Variants in NAV3 observed in about 807,000 individuals in gnomAD.
NAV3 encodes the protein neuron navigator 3.
A neutral mutation model predicts 244.7 loss-of-function variants in NAV3; 87 were observed. The ratio of observed to expected loss-of-function variants is 0.36; its 90% CI spans 0.30 to 0.42. The LOEUF is 0.42. Ranked by LOEUF, NAV3 falls within the 20% of genes least tolerant of loss-of-function variation. The probability of loss-of-function intolerance (pLI) is 1.00; values close to 1 mark genes in which losing one functional copy is unlikely to be tolerated. For synonymous variants in NAV3, 1,126 were observed against 1,042.2 expected, an observed-to-expected ratio of 1.08 and a Z score of -1.55; for missense variants, 2,663 against 2,893.3, an observed-to-expected ratio of 0.92 and a Z score of 1.83.
intron 12 of NAV3, among the ~76,000 whole-genome samples, chr12:78,081,202 G>A (rs1050708051): frequency 6.6e-6 from 1 of 152,038 alleles, no homozygotes; most frequent in African/African-American, 2.4e-5. Context: ...GTGATAATAC[G>A]TTAAGAGAGA....
intron 3 of NAV3, among the ~76,000 whole-genome samples, chr12:77,942,226 G>A (rs973474177): frequency 3.9e-5 from 6 of 152,066 alleles, no homozygotes; most frequent in Non-Finnish European, 7.4e-5. Context: ...TACAAAATTA[G>A]CCAGGTGTGG....
intron 2 of NAV3, among the ~76,000 whole-genome samples, chr12:77,651,629 A>G (rs1565753871): frequency 6.6e-6 from 1 of 152,198 alleles, no homozygotes; most frequent in African/African-American, 2.4e-5. Flanking sequence ...TGATCTTTCC[A>G]TATTTTAAGG....
intron 2 of NAV3, among the ~76,000 whole-genome samples, chr12:77,666,439 G>A (rs141770335): frequency 2.7e-3 from 412 of 151,926 alleles, no homozygotes; most frequent in Middle Eastern, 0.01. Flanking sequence ...GAAGAGAGAC[G>A]CTATTTAATC....
intron 2 of NAV3, among the ~76,000 whole-genome samples, chr12:77,750,166 A>T (rs959744993): frequency 6.6e-6 from 1 of 152,178 alleles, no homozygotes; most frequent in East Asian, 1.9e-4. Flanking sequence ...ATCCTGGCTA[A>T]TATGGTGAAA....
At chr12:77,961,445 A>G (rs1488564250) in intron 3 of NAV3, among the ~76,000 whole-genome samples, 1 of 125,564 alleles carries the variant, frequency 8.0e-6, no homozygotes, top group Non-Finnish European at 1.6e-5. Context: ...TGTCTCATAC[A>G]TGTAATATAT....
intron 2 of NAV3, among the ~76,000 whole-genome samples, chr12:77,665,366 C>T (rs1429647020): frequency 1.3e-5 from 2 of 152,178 alleles, no homozygotes; most frequent in Non-Finnish European, 2.9e-5. Flanking sequence ...GCCAGCATCA[C>T]AGAATTCTTA....
chr12:78,211,875 T>C lies in NAV3; in HGVS notation c.*1358T>C, dbSNP rs1471661041. ...TTTATACTGTAAAAGAAGGTTAGAT[T>C]TGCACAGTCTACTGGGTAGGTATTG... On this transcript the variant is annotated 3_prime_UTR_variant, in exon 40 of 40. Coordinates refer to ENST00000397909, the MANE Select transcript of NAV3 (RefSeq NM_001024383.2). 6.6e-6 allele frequency: 1 copy of C among 152,560 alleles called. No individual in the cohort carries two copies. The highest frequency in any genetic ancestry group is 1.5e-5 in the Non-Finnish European group (1 of 68,018). The allele number at this position is 152,560 out of a possible 1,614,324, so 9.5% of individuals were successfully genotyped here. A position where few individuals can be genotyped will look rare whatever the true frequency, so the allele number is the denominator to read the frequency against.
chr12:77,815,559 A>G (rs1037182455), intron 2 of NAV3, among the ~76,000 whole-genome samples: 38 of 152,208 alleles, frequency 2.5e-4, no homozygotes, highest in Non-Finnish European at 7.3e-5. Context: ...ATAGCTCCTG[A>G]TGAATGCATT....
At chr12:77,846,218 A>G (rs781539211) in intron 1 of NAV3, among the ~76,000 whole-genome samples, 6 of 152,194 alleles carry the variant, frequency 3.9e-5, no homozygotes, top group Non-Finnish European at 7.3e-5. Flanking sequence ...ATCTATTAAT[A>G]GAGATTCAGA....
At chr12:77,930,331 G>A (rs934956202) in intron 1 of NAV3, among the ~76,000 whole-genome samples, 21 of 151,902 alleles carry the variant, frequency 1.4e-4, no homozygotes, top group African/African-American at 5.1e-4. Flanking sequence ...ACTAGCCTAG[G>A]ATTAAAGTCT....
chr12:77,867,418 T>G (rs1880222170), intron 1 of NAV3, among the ~76,000 whole-genome samples: 1 of 152,038 alleles, frequency 6.6e-6, no homozygotes, highest in African/African-American at 2.4e-5. Context: ...TTGTTGTTGT[T>G]GTTGTTGTTG....
rs2138853870 is a variant in NAV3 at position 78,128,806 on chromosome 12, C to T, written c.4381C>T (p.Leu1461=). 2 of 1,614,122 alleles carry T rather than the reference C, an allele frequency of 1.2e-6. No homozygotes were observed. Among genetic ancestry groups the T allele is most frequent in the Non-Finnish European group, 1.7e-6 (2 of 1,179,990 alleles). Residue 1461 remains leucine, a synonymous_variant, in exon 18 of 40, where the codon CTG becomes TTG. Coordinates refer to ENST00000397909, the MANE Select transcript of NAV3 (RefSeq NM_001024383.2). ...TCAGGACACTGGCAACCAGTCACCT[C>T]TGGTTTCCCCTTCTGCCATGTCATC... ...GLQDTGNQSP[L]VSPSAMSSSA...
At chr12:78,191,648 A>T (rs1958987537) in intron 34 of NAV3, among the ~76,000 whole-genome samples, 1 of 152,188 alleles carries the variant, frequency 6.6e-6, no homozygotes, top group Admixed American at 6.6e-5. Context: ...CCTGAGGTAG[A>T]GTATTTGGCT....
chr12:77,810,914 A>G (rs1347095161), intron 2 of NAV3, among the ~76,000 whole-genome samples: 3 of 152,190 alleles, frequency 2.0e-5, no homozygotes, highest in African/African-American at 4.8e-5. Flanking sequence ...GCTTATTTCA[A>G]AACTTGTAGG....
At chr12:77,962,398 C>T (rs191130090) in intron 3 of NAV3, among the ~76,000 whole-genome samples, 6 of 152,230 alleles carry the variant, frequency 3.9e-5, no homozygotes, top group Admixed American at 2.0e-4. Flanking sequence ...AAGAAACTTC[C>T]GACTTCCATT....
At chr12:78,177,943 G>A (rs1351263932) in intron 28 of NAV3, among the ~76,000 whole-genome samples, 1 of 151,442 alleles carries the variant, frequency 6.6e-6, no homozygotes, top group African/African-American at 2.4e-5. Flanking sequence ...TCCACCAGGG[G>A]TACTTTCCAA....
chr12:77,871,006 C>CAGAG (rs1880866809), intron 1 of NAV3, among the ~76,000 whole-genome samples: 1 of 152,152 alleles, frequency 6.6e-6, no homozygotes, highest in South Asian at 2.1e-4. Context: ...ACACGCAAGA[C>CAGAG]AGAGATACAT....
rs888317588 is a variant in NAV3 at position 77,769,360 on chromosome 12, C to T, written c.73-170959C>T. On this transcript the variant is annotated intron_variant, in intron 2 of 8. Transcript: ENST00000550042. ...GACATATGTAAAATGCCCATTTTAT[C>T]AGTAATAGCTAACAGAACAGTACAG... is the stretch of plus-strand genomic sequence containing the variant. Among the ~76,000 whole-genome samples, 6 of 152,236 alleles carry T rather than the reference C, an allele frequency of 3.9e-5. No individual in the cohort carries two copies. The South Asian group carries it at 8.3e-4, about 21-fold the overall frequency.
At chr12:77,993,880 G>A (rs893627547) in intron 5 of NAV3, among the ~76,000 whole-genome samples, 4 of 152,154 alleles carry the variant, frequency 2.6e-5, no homozygotes, top group African/African-American at 9.7e-5. Context: ...TCTGAGAAGC[G>A]ATTCTCCACT....
Sources: allele counts gnomAD v4.1 joint callset (sites outside exome capture counted in the v4.1 genomes callset), GRCh38; gene constraint gnomAD v4.1.1; transcripts MANE v1.5; gene names NCBI Gene and HGNC (gene_info 2026-07-23, HGNC 2026-07-21).